Variants in TMEM135 observed in about 807,000 individuals in gnomAD.
TMEM135 encodes peroxisomal membrane protein 52.
In TMEM135, 30 loss-of-function variants were observed where a neutral mutation model predicts 60.3. That is an observed-to-expected ratio of 0.50 (90% CI 0.37 to 0.68). The LOEUF is 0.68. Among genes scored for constraint, TMEM135 ranks in the 30% least tolerant of loss-of-function variants. The probability of loss-of-function intolerance (pLI) is 0.00; values close to 1 mark genes in which losing one functional copy is unlikely to be tolerated. For synonymous variants in TMEM135, 190 were observed against 186.7 expected (o/e 1.02, Z -0.14); for missense variants, 468 against 548.8 (o/e 0.85, Z 1.47).
intron 10 of TMEM135, among the ~76,000 whole-genome samples, chr11:87,311,234 T>G (rs531758062): frequency 1.3e-5 from 2 of 151,660 alleles, no homozygotes; most frequent in East Asian, 3.9e-4. Flanking sequence ...TCTGTAAAAA[T>G]TTACTCATAA....
At chr11:87,119,523 C>T (rs560817709) in intron 4 of TMEM135, among the ~76,000 whole-genome samples, 62 of 152,274 alleles carry the variant, frequency 4.1e-4, no homozygotes, top group African/African-American at 1.4e-3. Context: ...GCCAACATGG[C>T]GAAATGATGT....
chr11:87,122,691 C>T lies in TMEM135; in HGVS notation c.396+31296C>T, dbSNP rs190114209. 2.6e-5 allele frequency among the ~76,000 whole-genome samples: 4 copies of T among 152,200 alleles called. No individual in the cohort carries two copies. In the East Asian group the frequency reaches 7.8e-4, roughly 29 times the overall value. Reference sequence around the variant, plus strand: ...GGCCAGGCTGATCTCAAACTTCTGACCTCAGGTGACCCACCCGCCTTGGCC... The same window carrying T: ...GGCCAGGCTGATCTCAAACTTCTGATCTCAGGTGACCCACCCGCCTTGGCC... On this transcript the variant is annotated intron_variant, in intron 4 of 14. Coordinates refer to ENST00000305494, the MANE Select transcript of TMEM135 (RefSeq NM_022918.4).
chr11:87,290,145 TA>T (rs544980511), intron 6 of TMEM135, among the ~76,000 whole-genome samples: 1 of 132,106 alleles, frequency 7.6e-6, no homozygotes, highest in African/African-American at 2.5e-5. Context: ...GAGTAGACAA[TA>T]AAAAAATCTT....
intron 5 of TMEM135, among the ~76,000 whole-genome samples, chr11:87,186,515 G>T (rs1939658562): frequency 6.6e-6 from 1 of 152,274 alleles, no homozygotes; most frequent in South Asian, 2.1e-4. Flanking sequence ...GATTTTAAAA[G>T]ATTTGTCCAC....
chr11:87,163,344 A>G (rs1004460130), intron 5 of TMEM135, among the ~76,000 whole-genome samples: 4 of 144,570 alleles, frequency 2.8e-5, no homozygotes, highest in African/African-American at 1.0e-4. Context: ...AATTTCATCC[A>G]TGTCCCTACA....
chr11:87,045,405 G>A lies in TMEM135; in HGVS notation c.141+7219G>A, dbSNP rs1016545869. ...GAGTACAAACTACAGCCTCTAGCAT[G>A]TCGCTTCCAGTTGAGAGGTAAGGGC... On this transcript the variant is annotated intron_variant, in intron 1 of 14. Transcript: ENST00000305494. Among the ~76,000 whole-genome samples, 10 of 152,232 alleles carry A rather than the reference G, an allele frequency of 6.6e-5. No homozygotes were observed. In the East Asian group the frequency reaches 1.9e-3, roughly 29 times the overall value.
rs773418225 is a variant in TMEM135, at chr11:87,091,441, C to A, written c.396+46C>A. 4 of 1,584,334 alleles carry A rather than the reference C, an allele frequency of 2.5e-6. No homozygotes were observed. The East Asian group carries it at 9.0e-5, about 36-fold the overall frequency. Reference sequence around the variant, plus strand: ...TTTGATGTCTTCCCATAAGCTATATCTTTTTAAAATCAAGTTTTCTTAAAA... The same window carrying A: ...TTTGATGTCTTCCCATAAGCTATATATTTTTAAAATCAAGTTTTCTTAAAA... On this transcript the variant is annotated intron_variant, in intron 4 of 14. Coordinates refer to ENST00000305494, the MANE Select transcript of TMEM135 (RefSeq NM_022918.4).
rs570858035 is a variant in TMEM135 at position 87,120,207 on chromosome 11, G to A, written c.396+28812G>A. On this transcript the variant is annotated intron_variant, in intron 4 of 14. Coordinates refer to ENST00000305494, the MANE Select transcript of TMEM135 (RefSeq NM_022918.4). ...AGCTCACTGTAACCTTGATCTCCTG[G>A]GCTCAAGCCATCCTCCTGAGTAGCT... Among the ~76,000 whole-genome samples the A allele has an allele frequency of 2.0e-5, 3 of 148,386 alleles. No homozygotes were observed. The South Asian group carries it at 6.4e-4, about 31-fold the overall frequency.
chr11:87,185,559 C>A (rs1939632134), intron 5 of TMEM135, among the ~76,000 whole-genome samples: 1 of 151,996 alleles, frequency 6.6e-6, no homozygotes, highest in African/African-American at 2.4e-5. Flanking sequence ...TGTGTACTTC[C>A]ATGAAGAGAC....
At chr11:87,202,486 C>T (rs1940135814) in intron 5 of TMEM135, among the ~76,000 whole-genome samples, 2 of 151,730 alleles carry the variant, frequency 1.3e-5, no homozygotes, top group Non-Finnish European at 2.9e-5. Flanking sequence ...CTACCGTGTC[C>T]GGTTAATGTA....
intron 3 of TMEM135, among the ~76,000 whole-genome samples, chr11:87,079,843 C>CTTT (rs139184730): frequency 1.9e-5 from 2 of 107,938 alleles, no homozygotes; most frequent in Admixed American, 1.1e-4. Context: ...CTTTTCTTTT[C>CTTT]TTTTTTTTTT....
At chr11:87,133,824 A>G (rs570566135) in intron 4 of TMEM135, among the ~76,000 whole-genome samples, 4 of 152,254 alleles carry the variant, frequency 2.6e-5, no homozygotes, top group South Asian at 4.1e-4. Flanking sequence ...CTCTTTCAGC[A>G]TAATTATTTT....
rs1264222385 is a variant in TMEM135 at position 87,325,286 on chromosome 11, C to T, written c.*3953C>T. On this transcript the variant is annotated 3_prime_UTR_variant, in exon 15 of 15. Coordinates refer to ENST00000305494, the MANE Select transcript of TMEM135 (RefSeq NM_022918.4). ...CTCTAGTGTGTGTGACTTCTGGAAA[C>T]AGAAGTGGGGCAGTAAGTTGGCCAT... 1 of 453,892 alleles carries T rather than the reference C, an allele frequency of 2.2e-6. No homozygotes were observed. The highest frequency in any genetic ancestry group is 4.4e-6 in the Non-Finnish European group (1 of 226,770). 28.1% of individuals were successfully genotyped at this position (453,892 alleles called of 1,614,324 possible).
At chr11:87,314,074 G>A (rs372494217) in intron 11 of TMEM135, among the ~76,000 whole-genome samples, 1 of 151,704 alleles carries the variant, frequency 6.6e-6, no homozygotes, top group Non-Finnish European at 1.5e-5. Flanking sequence ...TATTGTGATA[G>A]CACTAACCAT....
At chr11:87,307,671 C>T (rs143350666) in intron 9 of TMEM135, among the ~76,000 whole-genome samples, 3 of 152,162 alleles carry the variant, frequency 2.0e-5, no homozygotes, top group African/African-American at 7.2e-5. Flanking sequence ...ATTGGAATGC[C>T]GTATTATATC....
chr11:87,273,446 A>T (rs954891632), intron 6 of TMEM135, among the ~76,000 whole-genome samples: 1 of 151,936 alleles, frequency 6.6e-6, no homozygotes, highest in Non-Finnish European at 1.5e-5. Context: ...TCTTTCCTTT[A>T]TCCATTGATA....
At chr11:87,261,208 T>G (rs983123853) in intron 6 of TMEM135, among the ~76,000 whole-genome samples, 8 of 152,170 alleles carry the variant, frequency 5.3e-5, no homozygotes, top group African/African-American at 1.7e-4. Context: ...GGTCAAAGAT[T>G]ATCAGGTCTC....
At chr11:87,275,206 TTG>T (rs1941946700) in intron 6 of TMEM135, among the ~76,000 whole-genome samples, 1 of 152,198 alleles carries the variant, frequency 6.6e-6, no homozygotes, top group Non-Finnish European at 1.5e-5. Context: ...TGGTTGTCTT[TTG>T]TGTTTTCACT....
rs1022542940 is a variant in TMEM135, at chr11:87,326,408, A to T, written c.*5075A>T. 4.4e-6 allele frequency: 2 copies of T among 454,086 alleles called. No homozygotes were observed. Among genetic ancestry groups the T allele is most frequent in the Non-Finnish European group, 8.8e-6 (2 of 226,778 alleles). The allele number at this position is 454,086 out of a possible 1,614,324, so 28.1% of individuals were successfully genotyped here. A position where few individuals can be genotyped will look rare whatever the true frequency, so the allele number is the denominator to read the frequency against. On this transcript the variant is annotated 3_prime_UTR_variant, in exon 15 of 15. Coordinates refer to ENST00000305494, the MANE Select transcript of TMEM135 (RefSeq NM_022918.4). ...GAAGTCTAGTTCTTCAGTGTCTATTAAACTTTTTCCAGTAGTTAATCGATC... is the reference window on the plus strand; with the variant it reads ...GAAGTCTAGTTCTTCAGTGTCTATTTAACTTTTTCCAGTAGTTAATCGATC...
Sources: allele counts gnomAD v4.1 joint callset (sites outside exome capture counted in the v4.1 genomes callset), GRCh38; gene constraint gnomAD v4.1.1; transcripts MANE v1.5; gene names NCBI Gene and HGNC (gene_info 2026-07-23, HGNC 2026-07-21).